The following HMGCLL1 variants were observed in gnomAD, a reference collection of about 807,000 sequenced individuals.
HMGCLL1 encodes 3-hydroxy-3-methylglutaryl-CoA lyase like 1.
Under a neutral mutation model 39.1 loss-of-function variants are expected in HMGCLL1, and 36 were observed. The observed-to-expected ratio is 0.92, with a 90% confidence interval of 0.71 to 1.22. HMGCLL1 has a LOEUF of 1.22. Ranked by LOEUF, HMGCLL1 falls within the 50% of genes most tolerant of loss-of-function variation. The probability of loss-of-function intolerance (pLI) is 0.00; values close to 1 mark genes in which losing one functional copy is unlikely to be tolerated. For missense variants in HMGCLL1, 451 were observed against 416.5 expected, an observed-to-expected ratio of 1.08 and a Z score of -0.72; for synonymous variants, 149 against 144.0, an observed-to-expected ratio of 1.03 and a Z score of -0.25.
chr6:55,630,525 G>C, the HMGCLL1 span, among the ~76,000 whole-genome samples: 138 of 152,102 alleles, frequency 9.1e-4, 1 homozygote, highest in Non-Finnish European at 1.6e-3. Context: ...AGGCATGATT[G>C]GTTTTAAAAT....
intron 7 of HMGCLL1, among the ~76,000 whole-genome samples, chr6:55,463,284 G>A (rs530035235): frequency 1.6e-4 from 24 of 151,896 alleles, no homozygotes; most frequent in African/African-American, 4.8e-4. Context: ...CGCCTACCTC[G>A]GCCTCCCAAA....
chr6:55,602,055 C>G, the HMGCLL1 span, among the ~76,000 whole-genome samples: 1 of 151,856 alleles, frequency 6.6e-6, no homozygotes, highest in Non-Finnish European at 1.5e-5. Flanking sequence ...TAAAATGCCC[C>G]GTTATCTCTC....
At chr6:55,497,709 A>G (rs1010338019) in intron 6 of HMGCLL1, among the ~76,000 whole-genome samples, 1 of 152,224 alleles carries the variant, frequency 6.6e-6, no homozygotes, top group Non-Finnish European at 1.5e-5. Context: ...CTTGAAATAA[A>G]GTAAGCTTTA....
chr6:55,517,802 TGA>T (rs1473351633), intron 3 of HMGCLL1, among the ~76,000 whole-genome samples: 5 of 152,146 alleles, frequency 3.3e-5, no homozygotes, highest in Non-Finnish European at 7.4e-5. Flanking sequence ...ATTACTTATA[TGA>T]GTTTTTAAAT....
the HMGCLL1 span, among the ~76,000 whole-genome samples, chr6:55,608,796 C>T: frequency 7.2e-5 from 11 of 152,208 alleles, no homozygotes; most frequent in Non-Finnish European, 1.5e-5. Context: ...GCCAAGATGG[C>T]CAACTAGCAG....
the HMGCLL1 span, among the ~76,000 whole-genome samples, chr6:55,650,948 A>G: frequency 1.3e-5 from 2 of 151,984 alleles, no homozygotes; most frequent in African/African-American, 4.8e-5. Context: ...TAGGCTCCCA[A>G]CTGGCCCAGG....
intron 3 of HMGCLL1, among the ~76,000 whole-genome samples, chr6:55,528,975 C>T (rs1768482618): frequency 6.6e-6 from 1 of 151,912 alleles, no homozygotes; most frequent in Admixed American, 6.6e-5. Context: ...CCCAGGCTAC[C>T]CAAATGGATC....
At chr6:55,622,055 T>C in the HMGCLL1 span, among the ~76,000 whole-genome samples, 2 of 152,240 alleles carry the variant, frequency 1.3e-5, no homozygotes, top group South Asian at 4.1e-4. Context: ...GGTATTACCT[T>C]CTTGATTTCT....
chr6:55,484,065 A>C (rs1049871000), intron 7 of HMGCLL1, among the ~76,000 whole-genome samples: 1 of 152,154 alleles, frequency 6.6e-6, no homozygotes, highest in African/African-American at 2.4e-5. Context: ...AGTTGGGTTA[A>C]ATATTTTATT....
At chr6:55,677,470 T>G in the HMGCLL1 span, among the ~76,000 whole-genome samples, 3 of 152,216 alleles carry the variant, frequency 2.0e-5, no homozygotes, top group East Asian at 1.9e-4. Context: ...TCATTACAAT[T>G]TACACTTTTA....
chr6:55,558,427 T>C (rs908688465), intron 1 of HMGCLL1, among the ~76,000 whole-genome samples: 2 of 152,230 alleles, frequency 1.3e-5, no homozygotes, highest in African/African-American at 4.8e-5. Context: ...TATTCTCTCA[T>C]ATGGTCCTTG....
intron 8 of HMGCLL1, among the ~76,000 whole-genome samples, 178 bp downstream of exon 8, chr6:55,439,256 T>C (rs1446452578): frequency 6.6e-6 from 1 of 152,132 alleles, no homozygotes; most frequent in Non-Finnish European, 1.5e-5. Flanking sequence ...GCTATAGCAA[T>C]GAGTTACTTT....
the HMGCLL1 span, among the ~76,000 whole-genome samples, chr6:55,604,298 A>G: frequency 6.6e-6 from 1 of 152,168 alleles, no homozygotes; most frequent in South Asian, 2.1e-4. Flanking sequence ...GGAAAAGAAA[A>G]TCATATACAT....
At chr6:55,658,688 A>G in the HMGCLL1 span, among the ~76,000 whole-genome samples, 2,049 of 152,114 alleles carry the variant, frequency 0.013, 52 homozygotes, top group African/African-American at 0.047. Flanking sequence ...TCATTTCTTT[A>G]TTCAACAAAT....
At chr6:55,678,445 A>C in the HMGCLL1 span, among the ~76,000 whole-genome samples, 1 of 152,150 alleles carries the variant, frequency 6.6e-6, no homozygotes, top group Non-Finnish European at 1.5e-5. Flanking sequence ...TATGGTCTTA[A>C]GGGGGCCAAC....
intron 5 of HMGCLL1, 143 bp downstream of exon 5, chr6:55,513,905 T>G (rs1581881818): frequency 1.5e-6 from 1 of 683,938 alleles, no homozygotes; most frequent in African/African-American, 1.8e-5. Flanking sequence ...TGTAACTATA[T>G]AGTGATTACC....
intron 1 of HMGCLL1, among the ~76,000 whole-genome samples, chr6:55,566,206 C>CA (rs1771204284): frequency 6.6e-6 from 1 of 152,082 alleles, no homozygotes; most frequent in Admixed American, 6.6e-5. Context: ...AGAGCCACTC[C>CA]ACTTCCTTCA....
intron 1 of HMGCLL1, among the ~76,000 whole-genome samples, chr6:55,561,190 T>C (rs1278181285): frequency 1.3e-5 from 2 of 152,186 alleles, no homozygotes. Flanking sequence ...AATTATTTCT[T>C]CCCAGAAGAT....
At chr6:55,541,363 T>C (rs1032066148) in intron 3 of HMGCLL1, among the ~76,000 whole-genome samples, 1 of 152,172 alleles carries the variant, frequency 6.6e-6, no homozygotes, top group Non-Finnish European at 1.5e-5. Flanking sequence ...AAGGAAGCTA[T>C]CAGGCTACTT....
Sources: allele counts gnomAD v4.1 joint callset (sites outside exome capture counted in the v4.1 genomes callset), GRCh38; gene constraint gnomAD v4.1.1; transcripts MANE v1.5; gene names NCBI Gene and HGNC (gene_info 2026-07-23, HGNC 2026-07-21).